MACF1: variants seen among roughly 807,000 people sequenced by gnomAD.
The protein encoded by MACF1 is microtubule actin crosslinking factor 1.
Under a neutral mutation model 854.8 loss-of-function variants are expected in MACF1, and 193 were observed. The observed-to-expected ratio is 0.23, with a 90% confidence interval of 0.20 to 0.25. The LOEUF (loss-of-function observed/expected upper bound fraction) is 0.25, where lower values mean the gene tolerates loss of function less well. MACF1 is among the 10% of genes least tolerant of loss of function. The pLI is 1.00. For synonymous variants in MACF1, 3,185 were observed against 3,226.7 expected (o/e 0.99, Z 0.44); for missense variants, 7,722 against 8,929.1 (o/e 0.86, Z 5.45).
At chr1:39,102,763 C>T (rs1222697485) in intron 2 of MACF1, 2 of 702,570 alleles carry the variant, frequency 2.8e-6, no homozygotes, top group South Asian at 3.0e-5. Flanking sequence ...AATGCAGCAG[C>T]AGTCTCACCC....
At chr1:39,374,158 C>A (rs1292772071) in intron 52 of MACF1, among the ~76,000 whole-genome samples, 1 of 152,044 alleles carries the variant, frequency 6.6e-6, no homozygotes, top group African/African-American at 2.4e-5. Flanking sequence ...GGGAGAACTG[C>A]TTGAACCCGG....
chr1:39,099,922 A>T (rs1048619389), intron 2 of MACF1, among the ~76,000 whole-genome samples: 9 of 152,108 alleles, frequency 5.9e-5, no homozygotes, highest in African/African-American at 9.7e-5. Flanking sequence ...TCTATAAAAA[A>T]TTTTTTTAAA....
intron 1 of MACF1, among the ~76,000 whole-genome samples, chr1:39,221,700 C>CTA (rs1425063774): frequency 3.3e-5 from 5 of 152,198 alleles, no homozygotes; most frequent in Non-Finnish European, 7.3e-5. Context: ...GTTTCTACCT[C>CTA]TACATTGCAT....
intron 2 of MACF1, among the ~76,000 whole-genome samples, chr1:39,178,539 A>G (rs1644062668): frequency 6.6e-6 from 1 of 152,160 alleles, no homozygotes; most frequent in Admixed American, 6.5e-5. Context: ...GGATTCAGCA[A>G]CGTTCTTTCC....
rs768377213 is a variant in MACF1, at chr1:39,352,999, G to C, written c.11200-8G>C. The C allele has an allele frequency of 6.2e-7, 1 of 1,608,470 alleles. No homozygotes were observed. The highest frequency in any genetic ancestry group is 1.7e-5 in the Admixed American group (1 of 59,948). On this transcript the variant is annotated splice_polypyrimidine_tract_variant and splice_region_variant and intron_variant, in intron 43 of 100. Transcript: ENST00000564288. ...GCCTTCTCACTAGACTACCTCGGTG[G>C]CTTTCAGAGTAAAGCAGCAAAGGAA...
chr1:39,103,075 T>A, intron 2 of MACF1: 1 of 649,202 alleles, frequency 1.5e-6, no homozygotes, highest in Non-Finnish European at 2.8e-6. Context: ...AAGAAAGCAA[T>A]TTGAGTCTTA....
chr1:39,232,016 GATT>G (rs1405216150), intron 2 of MACF1, among the ~76,000 whole-genome samples: 2 of 150,502 alleles, frequency 1.3e-5, no homozygotes, highest in East Asian at 1.9e-4. Context: ...GCTGAATGAA[GATT>G]ATTATTATCA....
intron 2 of MACF1, among the ~76,000 whole-genome samples, chr1:39,119,258 G>A (rs11205656): frequency 0.08 from 11,922 of 149,902 alleles, 508 homozygotes; most frequent in Non-Finnish European, 0.091. Flanking sequence ...CGGAGGTTGC[G>A]GTGAGCCGAG....
intron 97 of MACF1, among the ~76,000 whole-genome samples, chr1:39,473,527 C>G (rs1623310): frequency 1 from 152,210 of 152,346 alleles, 76,037 homozygotes; most frequent in Middle Eastern, 1. Context: ...TTTGTTTCTG[C>G]TGTGCAAGAG....
chr1:39,403,996 G>T (rs890166466), intron 58 of MACF1, among the ~76,000 whole-genome samples: 5 of 151,984 alleles, frequency 3.3e-5, no homozygotes, highest in Admixed American at 6.6e-5. Flanking sequence ...AGGTGTGGTG[G>T]TGTGTGCCTG....
At chr1:39,172,816 T>A (rs1217356662) in intron 2 of MACF1, among the ~76,000 whole-genome samples, 1 of 152,226 alleles carries the variant, frequency 6.6e-6, no homozygotes, top group East Asian at 1.9e-4. Flanking sequence ...CGTTACTGTG[T>A]TCATGCAAGG....
At chr1:39,149,835 A>G (rs1314861847) in intron 2 of MACF1, among the ~76,000 whole-genome samples, 4 of 152,028 alleles carry the variant, frequency 2.6e-5, no homozygotes, top group African/African-American at 9.7e-5. Context: ...CCCATTGTTC[A>G]CCACCTGCCT....
intron 2 of MACF1, among the ~76,000 whole-genome samples, chr1:39,093,236 CT>C (rs1278794608): frequency 1.3e-5 from 2 of 150,920 alleles, no homozygotes; most frequent in Non-Finnish European, 2.9e-5. Flanking sequence ...ACAACACTGT[CT>C]ACCTGGAAAT....
At chr1:39,088,202 G>A (rs972734672) in intron 2 of MACF1, among the ~76,000 whole-genome samples, 7 of 152,078 alleles carry the variant, frequency 4.6e-5, no homozygotes, top group African/African-American at 1.7e-4. Flanking sequence ...TCCATCTCCT[G>A]ACCTCGTGAT....
intron 40 of MACF1, among the ~76,000 whole-genome samples, chr1:39,341,774 A>G (rs889039794): frequency 1.3e-5 from 2 of 151,638 alleles, no homozygotes; most frequent in Non-Finnish European, 2.9e-5. Flanking sequence ...CTGAGAGACC[A>G]TCTACTGAAT....
rs1421016728 is a variant in MACF1 at position 39,387,474 on chromosome 1, G to A, written c.14632G>A (p.Val4878Ile). Reference protein sequence around the residue: ...EEKRTLQNQLVELKNHWEELS... With the variant: ...EEKRTLQNQLIELKNHWEELS... ...GAAAAGGACTCTACAAAACCAGTTG[G>A]TTGAGCTCAAAAACCATTGGGAAGA... The change falls in exon 58 of 101, where the codon GTT becomes ATT. Residue 4878 changes from valine (V) to isoleucine (I), a missense_variant. Coordinates refer to ENST00000564288, the MANE Select transcript of MACF1 (RefSeq NM_001394062.1). 2 of 1,614,148 alleles carry A rather than the reference G, an allele frequency of 1.2e-6. No individual in the cohort carries two copies. Among genetic ancestry groups the A allele is most frequent in the Admixed American group, 1.7e-5 (1 of 60,006 alleles).
chr1:39,432,927 C>T, intron 67 of MACF1, 121 bp from the exon 68 acceptor site: 1 of 641,812 alleles, frequency 1.6e-6, no homozygotes, highest in South Asian at 2.6e-5. Flanking sequence ...GTTGGATAGG[C>T]AAAGTGTCAA....
intron 2 of MACF1, among the ~76,000 whole-genome samples, chr1:39,237,838 A>C (rs1218160599): frequency 6.6e-6 from 1 of 152,006 alleles, no homozygotes. Flanking sequence ...TTTCCCCATT[A>C]TTTCTTACGT....
intron 58 of MACF1, chr1:39,411,918 T>C (rs765064537): frequency 1.2e-6 from 2 of 1,614,006 alleles, no homozygotes; most frequent in Admixed American, 3.3e-5. Flanking sequence ...TGCCTAATGC[T>C]GTGGAACTTA....
Sources: allele counts gnomAD v4.1 joint callset (sites outside exome capture counted in the v4.1 genomes callset), GRCh38; gene constraint gnomAD v4.1.1; transcripts MANE v1.5; gene names NCBI Gene and HGNC (gene_info 2026-07-23, HGNC 2026-07-21).